Variants in MYO6 observed in about 807,000 individuals in gnomAD.
MYO6 encodes myosin VI.
MYO6 carries 74 observed loss-of-function variants against 178.7 expected under a neutral mutation model. The observed-to-expected ratio is 0.41, with a 90% confidence interval of 0.34 to 0.50. The LOEUF (loss-of-function observed/expected upper bound fraction) is 0.50, where lower values mean the gene tolerates loss of function less well. MYO6 is among the 20% of genes least tolerant of loss of function. The pLI is 0.09. For synonymous variants in MYO6, 477 were observed against 504.6 expected (o/e 0.95, Z 0.73); for missense variants, 1,330 against 1,547.4 (o/e 0.86, Z 2.36).
At chr6:75,759,534 C>T (rs549966775) in intron 1 of MYO6, among the ~76,000 whole-genome samples, 17 of 151,280 alleles carry the variant, frequency 1.1e-4, no homozygotes, top group African/African-American at 2.4e-4. Context: ...GAGTCTCCAC[C>T]GGTGACTTAC....
At chr6:75,848,322 C>T (rs769234174) in intron 10 of MYO6, 29 bp from the exon 11 acceptor site, 9 of 1,592,866 alleles carry the variant, frequency 5.7e-6, no homozygotes, top group Admixed American at 3.3e-5. Context: ...ATGTAACGAT[C>T]AGTTAATTGG....
intron 1 of MYO6, among the ~76,000 whole-genome samples, chr6:75,757,398 T>TAC (rs201924951): frequency 1.8e-3 from 270 of 149,302 alleles, no homozygotes; most frequent in African/African-American, 6.1e-3. Flanking sequence ...CACATATATA[T>TAC]ACACACACAC....
intron 1 of MYO6, among the ~76,000 whole-genome samples, chr6:75,796,226 A>G (rs983314522): frequency 6.6e-6 from 1 of 152,102 alleles, no homozygotes; most frequent in African/African-American, 2.4e-5. Context: ...ATGCATATCT[A>G]ATTAGGTGAC....
chr6:75,907,794 A>ATGTGTGTGTGTGTG (rs71002774), intron 31 of MYO6, 86 bp downstream of exon 31: 26 of 751,116 alleles, frequency 3.5e-5, no homozygotes, highest in East Asian at 1.3e-4. Context: ...GTGTGTGTGT[A>ATGTGTGTGTGTGTG]TGTGTGTGTG....
chr6:75,896,971 G>C (rs925777692), intron 29 of MYO6, among the ~76,000 whole-genome samples: 11 of 152,216 alleles, frequency 7.2e-5, no homozygotes, highest in Admixed American at 7.2e-4. Context: ...TGGCAAATTT[G>C]TTGCAGTGTA....
In MYO6 at chr6:75,828,592, A is replaced by G. The variant is rs376368627; in HGVS notation, c.240A>G (p.Arg80=). The G allele has an allele frequency of 1.9e-6, 3 of 1,581,046 alleles. No individual in the cohort carries two copies. The highest frequency in any genetic ancestry group is 2.6e-6 in the Non-Finnish European group (3 of 1,150,460). Residue 80 remains arginine, a synonymous_variant, in exon 4 of 35, where the codon CGA becomes CGG. Transcript: ENST00000369977. ...CACTGCTCCATAATATCAAAGTTCG[A>G]TATAGTAAAGACAGAATTTATGTAA... ...EATLLHNIKV[R]YSKDRIYTYV...
chr6:75,757,388 CACATATATATACACACACACACAT>C (rs1777548110), intron 1 of MYO6, among the ~76,000 whole-genome samples: 2 of 147,414 alleles, frequency 1.4e-5, no homozygotes, highest in Non-Finnish European at 3.0e-5. Flanking sequence ...TATATGTATA[CACATATATATACACACACACACAT>C]AGAGACAGAC....
chr6:75,793,559 G>T (rs181225026), intron 1 of MYO6, among the ~76,000 whole-genome samples: 1 of 151,620 alleles, frequency 6.6e-6, no homozygotes, highest in African/African-American at 2.4e-5. Flanking sequence ...AGCCAAGATC[G>T]TACCACTACC....
intron 1 of MYO6, among the ~76,000 whole-genome samples, chr6:75,781,678 T>C (rs185397561): frequency 3.9e-5 from 6 of 151,966 alleles, no homozygotes; most frequent in Non-Finnish European, 8.8e-5. Flanking sequence ...TCCCAGCACA[T>C]TGGGAGGCTG....
chr6:75,866,719 G>C, intron 17 of MYO6, 98 bp downstream of exon 17: 1 of 1,215,764 alleles, frequency 8.2e-7, no homozygotes, highest in Non-Finnish European at 1.2e-6. Flanking sequence ...TATTTCACGT[G>C]GTTATTTAAA....
chr6:75,892,651 T>C lies in MYO6; in HGVS notation c.3068T>C (p.Leu1023Pro). The C allele has an allele frequency of 6.2e-7, 1 of 1,612,710 alleles. No homozygotes were observed. Among genetic ancestry groups the C allele is most frequent in the Admixed American group, 1.7e-5 (1 of 60,026 alleles). Reference sequence around the variant, plus strand: ...AGGATTGCCCAGAGTGAAGCCGAGCTCATCAGTGATGAGGCCCAGGCCGAC... The same window carrying C: ...AGGATTGCCCAGAGTGAAGCCGAGCCCATCAGTGATGAGGCCCAGGCCGAC... ...ALRIAQSEAELISDEAQADLA... is the reference protein window; with the variant it reads ...ALRIAQSEAEPISDEAQADLA... Residue 1023 changes from leucine to proline, a missense_variant, in exon 28 of 35, where the codon CTC (leucine) becomes CCC (proline). By Grantham distance (98) the Leu-to-Pro change is moderately conservative (BLOSUM62 -3). Coordinates refer to ENST00000369977, the MANE Select transcript of MYO6 (RefSeq NM_004999.4).
intron 25 of MYO6, 105 bp from the exon 26 acceptor site, chr6:75,889,947 TTTATC>T: frequency 3.6e-6 from 3 of 843,722 alleles, no homozygotes; most frequent in Admixed American, 4.8e-5. Context: ...AACATTAAAA[TTTATC>T]TTAGCCATTT....
chr6:75,843,055 TC>T (rs1774393273), intron 9 of MYO6, among the ~76,000 whole-genome samples: 2 of 152,144 alleles, frequency 1.3e-5, no homozygotes, highest in Non-Finnish European at 2.9e-5. Flanking sequence ...TCTTGAATAT[TC>T]CTCTCATATG....
intron 20 of MYO6, among the ~76,000 whole-genome samples, chr6:75,877,451 G>A (rs918824307): frequency 6.6e-6 from 1 of 151,896 alleles, no homozygotes; most frequent in African/African-American, 2.4e-5. Flanking sequence ...ATTTTTAGAA[G>A]AGACTGAATT....
chr6:75,796,647 T>A (rs1347999075), intron 1 of MYO6, among the ~76,000 whole-genome samples: 1 of 142,830 alleles, frequency 7.0e-6, no homozygotes, highest in Non-Finnish European at 1.6e-5. Flanking sequence ...TTTTTTTTTT[T>A]AATTGAGACG....
chr6:75,818,651 G>C (rs1028168987), intron 2 of MYO6, among the ~76,000 whole-genome samples: 4 of 152,038 alleles, frequency 2.6e-5, no homozygotes, highest in Non-Finnish European at 5.9e-5. Flanking sequence ...ATCCTTCTGG[G>C]AACCTTAGAA....
intron 24 of MYO6, 104 bp from the exon 25 acceptor site, chr6:75,886,740 T>C (rs1778468259): frequency 6.3e-6 from 7 of 1,111,578 alleles, no homozygotes; most frequent in South Asian, 1.3e-5. Flanking sequence ...GTAGATAATA[T>C]TGAAAACAGA....
chr6:75,785,509 T>C (rs76971591), intron 1 of MYO6, among the ~76,000 whole-genome samples: 2,657 of 150,946 alleles, frequency 0.018, 91 homozygotes, highest in African/African-American at 0.06. Flanking sequence ...TATTACTGTG[T>C]TGTCCACACC....
intron 1 of MYO6, among the ~76,000 whole-genome samples, chr6:75,797,698 T>C (rs1327663640): frequency 1.3e-5 from 2 of 152,100 alleles, no homozygotes; most frequent in Admixed American, 1.3e-4. Flanking sequence ...CACGCCTGTC[T>C]AATTTTTGGA....
Sources: gnomAD v4.1 joint callset for allele counts (sites outside exome capture counted in the v4.1 genomes callset) on GRCh38, gnomAD v4.1.1 for gene constraint, MANE v1.5 for transcripts, NCBI Gene and HGNC (gene_info 2026-07-23, HGNC 2026-07-21) for gene names.